Variants in FGGY observed in about 807,000 individuals in gnomAD.
FGGY encodes FGGY carbohydrate kinase domain-containing protein.
In FGGY, 72 loss-of-function variants were observed where a neutral mutation model predicts 71.3. The ratio of observed to expected loss-of-function variants is 1.01; its 90% CI spans 0.84 to 1.23. The LOEUF is 1.23. Among genes scored for constraint, FGGY ranks in the 50% most tolerant of loss-of-function variants. The probability of loss-of-function intolerance (pLI) is 0.00; values close to 1 mark genes in which losing one functional copy is unlikely to be tolerated. For missense variants in FGGY, 668 were observed against 682.3 expected (o/e 0.98, Z 0.23); for synonymous variants, 251 against 250.3 (o/e 1.00, Z -0.02).
At chr1:59,673,170 ATAAG>A (rs1436020076) in intron 13 of FGGY, among the ~76,000 whole-genome samples, 1 of 152,260 alleles carries the variant, frequency 6.6e-6, no homozygotes, top group Non-Finnish European at 1.5e-5. Flanking sequence ...ATTAAACAAG[ATAAG>A]TAAGTAAAAT....
chr1:59,667,498 G>T (rs2097336599), intron 13 of FGGY, 95 bp downstream of exon 13: 1 of 1,394,442 alleles, frequency 7.2e-7, no homozygotes, highest in Admixed American at 2.1e-5. Context: ...GAGGATATAT[G>T]CGGTATGCCA....
chr1:59,349,023 A>G (rs562088495), intron 4 of FGGY, among the ~76,000 whole-genome samples: 27 of 152,330 alleles, frequency 1.8e-4, no homozygotes, highest in African/African-American at 6.3e-4. Context: ...ATTGGAATAT[A>G]GAACTGTTCT....
intron 8 of FGGY, among the ~76,000 whole-genome samples, chr1:59,591,013 A>T (rs1214957948): frequency 6.6e-6 from 1 of 152,240 alleles, no homozygotes; most frequent in Admixed American, 6.5e-5. Flanking sequence ...CTGTTTGCAG[A>T]TGACGTGATT....
At chr1:59,685,862 C>G (rs1007535050) in intron 14 of FGGY, among the ~76,000 whole-genome samples, 1 of 152,142 alleles carries the variant, frequency 6.6e-6, no homozygotes, top group Non-Finnish European at 1.5e-5. Context: ...AAGCAATCCC[C>G]TAGGGGGTTA....
At chr1:59,331,712 A>G (rs1205412805) in intron 2 of FGGY, 2 of 152,196 alleles carry the variant, frequency 1.3e-5, no homozygotes, top group Admixed American at 6.5e-5. Flanking sequence ...ATTAAAAAAA[A>G]AAGTTTTTCT....
chr1:59,484,984 G>T (rs1028957290), intron 6 of FGGY, among the ~76,000 whole-genome samples: 2 of 152,142 alleles, frequency 1.3e-5, no homozygotes, highest in Non-Finnish European at 2.9e-5. Flanking sequence ...ATAATTTAGA[G>T]TGAATCACAC....
At chr1:59,505,866 T>C (rs1021400896) in intron 6 of FGGY, among the ~76,000 whole-genome samples, 8 of 151,984 alleles carry the variant, frequency 5.3e-5, no homozygotes, top group African/African-American at 1.7e-4. Context: ...GAAAAACTGG[T>C]AGGGGAAGAT....
chr1:59,373,942 A>G (rs538202362), intron 4 of FGGY, among the ~76,000 whole-genome samples: 23 of 152,380 alleles, frequency 1.5e-4, no homozygotes, highest in African/African-American at 3.6e-4. Context: ...ACCTAAAACC[A>G]TAAAAACCCT....
intron 9 of FGGY, among the ~76,000 whole-genome samples, chr1:59,613,458 A>T (rs549381165): frequency 6.6e-6 from 1 of 152,338 alleles, no homozygotes; most frequent in South Asian, 2.1e-4. Context: ...ATGAGAACAA[A>T]GACACAACAT....
At chr1:59,580,357 T>A (rs2096168946) in intron 8 of FGGY, among the ~76,000 whole-genome samples, 1 of 152,112 alleles carries the variant, frequency 6.6e-6, no homozygotes. Flanking sequence ...CACATGCTGT[T>A]CTTTCTGGCA....
At chr1:59,729,518 CTG>C (rs1485771226) in intron 14 of FGGY, among the ~76,000 whole-genome samples, 2 of 152,104 alleles carry the variant, frequency 1.3e-5, no homozygotes, top group East Asian at 3.9e-4. Context: ...AGAAATTGAA[CTG>C]TGTTTAATGT....
At chr1:59,685,804 G>C (rs1357517267) in intron 14 of FGGY, among the ~76,000 whole-genome samples, 1 of 152,074 alleles carries the variant, frequency 6.6e-6, no homozygotes, top group Admixed American at 6.5e-5. Flanking sequence ...GCCCAGGCTG[G>C]AGCGCAGTGA....
chr1:59,607,324 G>A (rs1177664173), intron 8 of FGGY, among the ~76,000 whole-genome samples: 1 of 152,220 alleles, frequency 6.6e-6, no homozygotes, highest in African/African-American at 2.4e-5. Flanking sequence ...GCGAAAGACA[G>A]AACAGAAGCA....
chr1:59,586,167 C>T (rs1053149251), intron 8 of FGGY, among the ~76,000 whole-genome samples: 7 of 152,254 alleles, frequency 4.6e-5, no homozygotes, highest in South Asian at 2.1e-4. Context: ...TGGGTATATA[C>T]GCAAAGGATT....
chr1:59,565,226 G>A (rs2095855735), intron 8 of FGGY, among the ~76,000 whole-genome samples: 1 of 152,122 alleles, frequency 6.6e-6, no homozygotes. Flanking sequence ...AATTTATGGG[G>A]ACTGAAACTG....
At chr1:59,531,838 G>A (rs1040235203) in intron 7 of FGGY, among the ~76,000 whole-genome samples, 1 of 152,162 alleles carries the variant, frequency 6.6e-6, no homozygotes, top group African/African-American at 2.4e-5. Context: ...CAAAGCCTGG[G>A]TTTGAATTAA....
intron 5 of FGGY, among the ~76,000 whole-genome samples, chr1:59,387,230 T>A (rs903304007): frequency 1.3e-5 from 2 of 152,114 alleles, no homozygotes; most frequent in Admixed American, 1.3e-4. Flanking sequence ...ATTCTACTGA[T>A]TTTTCTTTTG....
rs72664534 is a variant in FGGY, at chr1:59,367,150, C to T, written c.466-11599C>T. ...GCTTTATGTTTTTAGAAAGATGCCT[C>T]TAGTAGTGCAGACCTCTCAGCTTAT... On this transcript the variant is annotated intron_variant, in intron 4 of 15. Transcript: ENST00000303721. Among the ~76,000 whole-genome samples the T allele has an allele frequency of 4.9e-3, 742 of 152,318 alleles. 1 individual carries two copies. The highest frequency in any genetic ancestry group is 7.1e-3 in the Non-Finnish European group (486 of 68,022).
At chr1:59,553,313 C>T (rs761211828) in intron 7 of FGGY, among the ~76,000 whole-genome samples, 1 of 152,152 alleles carries the variant, frequency 6.6e-6, no homozygotes, top group Non-Finnish European at 1.5e-5. Flanking sequence ...TAGTATATAT[C>T]GTTTTGTGCA....
Sources: gnomAD v4.1 joint callset for allele counts (sites outside exome capture counted in the v4.1 genomes callset) on GRCh38, gnomAD v4.1.1 for gene constraint, MANE v1.5 for transcripts, NCBI Gene and HGNC (gene_info 2026-07-23, HGNC 2026-07-21) for gene names.